IL6R: variants seen among roughly 807,000 people sequenced by gnomAD.
IL6R encodes the protein interleukin-6 receptor subunit alpha.
Under a neutral mutation model 48.3 loss-of-function variants are expected in IL6R, and 38 were observed. The ratio of observed to expected loss-of-function variants is 0.79; its 90% CI spans 0.61 to 1.03. The LOEUF (loss-of-function observed/expected upper bound fraction) is 1.03, where lower values mean the gene tolerates loss of function less well. IL6R is among the 50% of genes least tolerant of loss of function. The pLI, the probability that IL6R is intolerant of heterozygous loss-of-function variation, is 0.00. For missense variants in IL6R, 534 were observed against 618.3 expected (o/e 0.86, Z 1.45); for synonymous variants, 264 against 256.2 (o/e 1.03, Z -0.29).
At chr1:154,452,061 C>T (rs1273313923) in intron 8 of IL6R, among the ~76,000 whole-genome samples, 2 of 152,132 alleles carry the variant, frequency 1.3e-5, no homozygotes, top group African/African-American at 2.4e-5. Flanking sequence ...CCACTCCTCA[C>T]CATCTCCAGT....
At chr1:154,449,042 C>A (rs1226575561) in intron 7 of IL6R, among the ~76,000 whole-genome samples, 2 of 147,016 alleles carry the variant, frequency 1.4e-5, no homozygotes, top group African/African-American at 2.5e-5. Flanking sequence ...TACAGGCGCC[C>A]GCGACCGCGC....
intron 8 of IL6R, 80 bp downstream of exon 8, chr1:154,450,060 A>C: frequency 1.1e-6 from 1 of 885,170 alleles, no homozygotes; most frequent in Non-Finnish European, 1.9e-6. Flanking sequence ...TCTTATTTGG[A>C]CATGTCGTCA....
chr1:154,456,557 T>A (rs1413162565), intron 9 of IL6R, among the ~76,000 whole-genome samples: 2 of 151,980 alleles, frequency 1.3e-5, no homozygotes, highest in African/African-American at 4.8e-5. Context: ...ACAGATTAGA[T>A]GAGGAGGATG....
Position 154,429,322 on chromosome 1 carries a change from C to T in IL6R, c.212C>T (p.Pro71Leu). 1 of 1,614,132 alleles carries T rather than the reference C, an allele frequency of 6.2e-7. No individual in the cohort carries two copies. Among genetic ancestry groups the T allele is most frequent in the Non-Finnish European group, 8.5e-7 (1 of 1,180,026 alleles). The change falls in exon 2 of 10, where the codon CCC becomes CTC. Residue 71 changes from proline (P) to leucine (L), a missense_variant. By Grantham distance (98) the Pro-to-Leu change is moderately conservative. Coordinates refer to ENST00000368485, the MANE Select transcript of IL6R (RefSeq NM_000565.4). Reference sequence around the variant, plus strand: ...AGGAAGCCGGCTGCAGGCTCCCACCCCAGCAGATGGGCTGGCATGGGAAGG... The same window carrying T: ...AGGAAGCCGGCTGCAGGCTCCCACCTCAGCAGATGGGCTGGCATGGGAAGG... ...VLRKPAAGSH[P>L]SRWAGMGRRL...
chr1:154,424,949 G>C (rs1431200349), intron 1 of IL6R, among the ~76,000 whole-genome samples: 1 of 152,142 alleles, frequency 6.6e-6, no homozygotes, highest in East Asian at 1.9e-4. Flanking sequence ...CTCCAAAGGG[G>C]TCCGCATGAG....
At chr1:154,415,043 CAGA>C in intron 1 of IL6R, 2 of 1,519,166 alleles carry the variant, frequency 1.3e-6, no homozygotes, top group South Asian at 1.2e-5. Context: ...AGTTGAGCTC[CAGA>C]AGAACTAGCT....
At chr1:154,451,243 C>T (rs968916746) in intron 8 of IL6R, among the ~76,000 whole-genome samples, 7 of 152,124 alleles carry the variant, frequency 4.6e-5, no homozygotes, top group South Asian at 2.1e-4. Context: ...ATGGGCCGGG[C>T]GCGGTGGCTT....
At chr1:154,458,125 C>A (rs1485876924) in intron 9 of IL6R, among the ~76,000 whole-genome samples, 1 of 151,948 alleles carries the variant, frequency 6.6e-6, no homozygotes, top group Non-Finnish European at 1.5e-5. Context: ...CACCACCACG[C>A]CTGGCTAATT....
intron 9 of IL6R, among the ~76,000 whole-genome samples, chr1:154,458,050 T>C (rs1691012683): frequency 6.8e-6 from 1 of 146,896 alleles, no homozygotes; most frequent in African/African-American, 2.5e-5. Flanking sequence ...CACTGCAACC[T>C]CCGCCTCCCG....
chr1:154,443,073 G>C (rs1165448292), intron 6 of IL6R, among the ~76,000 whole-genome samples: 2 of 152,152 alleles, frequency 1.3e-5, no homozygotes, highest in Admixed American at 6.5e-5. Flanking sequence ...TTTCAAAGAG[G>C]GCGTGGGGCA....
chr1:154,440,461 T>A (rs1052903102), intron 6 of IL6R, among the ~76,000 whole-genome samples: 1 of 152,190 alleles, frequency 6.6e-6, no homozygotes, highest in African/African-American at 2.4e-5. Flanking sequence ...ATTTTTAAAT[T>A]TTCATGGAAA....
At chr1:154,444,699 A>G (rs1351460365) in intron 6 of IL6R, among the ~76,000 whole-genome samples, 3 of 152,072 alleles carry the variant, frequency 2.0e-5, no homozygotes, top group African/African-American at 7.2e-5. Flanking sequence ...GGAGATAGAG[A>G]CCAGCCGGGC....
intron 1 of IL6R, among the ~76,000 whole-genome samples, chr1:154,419,531 C>T (rs890250792): frequency 2.6e-5 from 4 of 152,204 alleles, no homozygotes; most frequent in Non-Finnish European, 4.4e-5. Flanking sequence ...AATCCTATGC[C>T]TTTGCAACCC....
chr1:154,419,829 G>A (rs1293847049), intron 1 of IL6R, among the ~76,000 whole-genome samples: 1 of 152,220 alleles, frequency 6.6e-6, no homozygotes, highest in Non-Finnish European at 1.5e-5. Context: ...AAGTTTACTT[G>A]AAGAGGGGGA....
chr1:154,415,266 T>G, intron 1 of IL6R: 2 of 570,234 alleles, frequency 3.5e-6, no homozygotes, highest in Non-Finnish European at 6.3e-6. Context: ...TTGTTAAAAG[T>G]TTTAAAAGTT....
intron 2 of IL6R, among the ~76,000 whole-genome samples, chr1:154,429,940 G>A (rs1342131267): frequency 3.3e-5 from 5 of 151,970 alleles, no homozygotes; most frequent in African/African-American, 9.7e-5. Flanking sequence ...TTTAGAATTA[G>A]CAAGTTCTTA....
At chr1:154,458,530 G>A (rs898602918) in intron 9 of IL6R, among the ~76,000 whole-genome samples, 2 of 152,176 alleles carry the variant, frequency 1.3e-5, no homozygotes, top group African/African-American at 4.8e-5. Context: ...ACCCACCACA[G>A]GCCCTATAGA....
At chr1:154,428,148 G>T (rs1451386797) in intron 1 of IL6R, among the ~76,000 whole-genome samples, 2 of 152,138 alleles carry the variant, frequency 1.3e-5, no homozygotes, top group Admixed American at 1.3e-4. Context: ...TTTTATCTTA[G>T]ATTCTATGAC....
intron 6 of IL6R, among the ~76,000 whole-genome samples, chr1:154,447,108 C>A (rs111301013): frequency 0.13 from 19,384 of 151,978 alleles, 1,446 homozygotes; most frequent in South Asian, 0.18. Context: ...CCACTGCACT[C>A]CAGCCTGGCG....
Sources: allele counts gnomAD v4.1 joint callset (sites outside exome capture counted in the v4.1 genomes callset), GRCh38; gene constraint gnomAD v4.1.1; transcripts MANE v1.5; gene names NCBI Gene and HGNC (gene_info 2026-07-23, HGNC 2026-07-21).